The following DSCAM variants were observed in gnomAD, a reference collection of about 807,000 sequenced individuals.
DSCAM encodes the protein DS cell adhesion molecule, also known as cell adhesion molecule DSCAM.
DSCAM carries 47 observed loss-of-function variants against 217.7 expected under a neutral mutation model. The ratio of observed to expected loss-of-function variants is 0.22; its 90% CI spans 0.17 to 0.28. DSCAM has a LOEUF of 0.28. Ranked by LOEUF, DSCAM falls within the 10% of genes least tolerant of loss-of-function variation. The pLI, the probability that DSCAM is intolerant of heterozygous loss-of-function variation, is 1.00. For missense variants in DSCAM, 2,080 were observed against 2,618.3 expected, an observed-to-expected ratio of 0.79 and a Z score of 4.49; for synonymous variants, 1,056 against 1,015.3, an observed-to-expected ratio of 1.04 and a Z score of -0.76.
At chr21:40,292,802 G>C (rs926263450) in intron 10 of DSCAM, among the ~76,000 whole-genome samples, 1 of 152,032 alleles carries the variant, frequency 6.6e-6, no homozygotes, top group East Asian at 1.9e-4. Flanking sequence ...GAGTGCAGTG[G>C]CGTGATCTCA....
chr21:40,415,420 T>C (rs780973804), intron 3 of DSCAM, among the ~76,000 whole-genome samples: 46 of 152,236 alleles, frequency 3.0e-4, no homozygotes, highest in African/African-American at 1.1e-3. Context: ...GAGTTATAGA[T>C]GTATTTCAAA....
rs1230227169 is a variant in DSCAM, at chr21:40,266,201, A to G, written c.2356+9896T>C. ...AAAAGTGGGCAAAGGACCTGAATGG[A>G]TATTTCTCAAAAGAAGATATACAAA... is the stretch of plus-strand genomic sequence containing the variant. On this transcript the variant is annotated intron_variant, in intron 11 of 32. Coordinates refer to ENST00000400454, the MANE Select transcript of DSCAM (RefSeq NM_001389.5). Among the ~76,000 whole-genome samples the G allele has an allele frequency of 2.6e-5, 4 of 151,300 alleles. No homozygotes were observed. In the East Asian group the frequency reaches 7.8e-4, roughly 29 times the overall value.
chr21:40,599,121 C>T (rs1421772185), intron 3 of DSCAM, among the ~76,000 whole-genome samples: 1 of 152,066 alleles, frequency 6.6e-6, no homozygotes, highest in Non-Finnish European at 1.5e-5. Context: ...ATATGTGTTT[C>T]ACAAAGATTT....
intron 11 of DSCAM, 150 bp downstream of exon 11, chr21:40,275,947 A>C (rs2073680469): frequency 2.7e-6 from 2 of 739,580 alleles, no homozygotes; most frequent in Non-Finnish European, 4.0e-6. Context: ...TGTTTCCAGA[A>C]CAACAAAACT....
intron 10 of DSCAM, among the ~76,000 whole-genome samples, chr21:40,292,322 T>C (rs2073903263): frequency 6.6e-6 from 1 of 152,072 alleles, no homozygotes; most frequent in South Asian, 2.1e-4. Context: ...AAGCTGAATC[T>C]GTTTTGTTTA....
intron 11 of DSCAM, among the ~76,000 whole-genome samples, chr21:40,209,602 G>A (rs766338360): frequency 2.6e-5 from 4 of 152,096 alleles, no homozygotes; most frequent in Non-Finnish European, 4.4e-5. Context: ...ATGAAATGTG[G>A]CACCTTTCCT....
intron 3 of DSCAM, among the ~76,000 whole-genome samples, chr21:40,512,165 C>T (rs912138405): frequency 1.3e-5 from 2 of 151,896 alleles, no homozygotes; most frequent in Admixed American, 6.6e-5. Flanking sequence ...CTTTCCCTTC[C>T]AATTATGCAT....
intron 27 of DSCAM, among the ~76,000 whole-genome samples, chr21:40,074,360 T>A (rs1305596453): frequency 1.3e-5 from 2 of 152,192 alleles, no homozygotes; most frequent in Non-Finnish European, 2.9e-5. Context: ...CTGCACAGTT[T>A]CATATTTGAA....
At chr21:40,842,754 AC>A (rs2092113411) in intron 1 of DSCAM, among the ~76,000 whole-genome samples, 1 of 152,190 alleles carries the variant, frequency 6.6e-6, no homozygotes, top group Non-Finnish European at 1.5e-5. Flanking sequence ...TAGTTCCCCT[AC>A]CAGAATGCTG....
At chr21:40,338,916 C>A (rs2074457465) in intron 7 of DSCAM, among the ~76,000 whole-genome samples, 1 of 152,156 alleles carries the variant, frequency 6.6e-6, no homozygotes, top group Admixed American at 6.5e-5. Context: ...TAAAAAAGAA[C>A]AAGCTGACTA....
At chr21:40,262,007 T>G (rs1344328572) in intron 11 of DSCAM, among the ~76,000 whole-genome samples, 2 of 151,122 alleles carry the variant, frequency 1.3e-5, no homozygotes, top group African/African-American at 4.9e-5. Flanking sequence ...AACTTGAGTG[T>G]TCTCTCTCTC....
At chr21:40,794,888 G>GAAA (rs5844043) in intron 1 of DSCAM, among the ~76,000 whole-genome samples, 2 of 126,642 alleles carry the variant, frequency 1.6e-5, no homozygotes, top group Non-Finnish European at 1.6e-5. Context: ...TAGTCAAATT[G>GAAA]AAAAAAAAAA....
intron 3 of DSCAM, among the ~76,000 whole-genome samples, chr21:40,671,692 CAAAAAAAA>C (rs71330402): frequency 1.3e-4 from 14 of 108,984 alleles, no homozygotes; most frequent in African/African-American, 5.1e-4. Flanking sequence ...ATTCCTTAAA[CAAAAAAAA>C]AAAAAAAAAA....
At chr21:40,769,045 G>T (rs2091421602) in intron 1 of DSCAM, among the ~76,000 whole-genome samples, 2 of 152,188 alleles carry the variant, frequency 1.3e-5, no homozygotes, top group African/African-American at 4.8e-5. Flanking sequence ...GAGGGCAGCT[G>T]GGGATGTCTG....
intron 25 of DSCAM, among the ~76,000 whole-genome samples, chr21:40,079,331 A>G (rs905708580): frequency 3.9e-5 from 6 of 152,154 alleles, no homozygotes; most frequent in African/African-American, 1.4e-4. Context: ...ACCTGATTCA[A>G]GAGAAGACAG....
At chr21:40,649,210 T>TA (rs961130810) in intron 3 of DSCAM, among the ~76,000 whole-genome samples, 2 of 152,178 alleles carry the variant, frequency 1.3e-5, no homozygotes, top group African/African-American at 4.8e-5. Context: ...AGCTTGAACT[T>TA]AAAAGACCAT....
intron 8 of DSCAM, among the ~76,000 whole-genome samples, chr21:40,332,810 T>C (rs1281102828): frequency 1.3e-5 from 2 of 151,944 alleles, no homozygotes; most frequent in Non-Finnish European, 2.9e-5. Flanking sequence ...ATCTTTGAAA[T>C]AAAAAAAATT....
chr21:40,794,068 T>G (rs1208573864), intron 1 of DSCAM, among the ~76,000 whole-genome samples: 1 of 152,190 alleles, frequency 6.6e-6, no homozygotes, highest in Non-Finnish European at 1.5e-5. Flanking sequence ...CAACCTTCCT[T>G]GGCACTGCCT....
chr21:40,106,265 C>T (rs367453), intron 20 of DSCAM, among the ~76,000 whole-genome samples: 30,210 of 152,122 alleles, frequency 0.2, 3,822 homozygotes, highest in South Asian at 0.42. Flanking sequence ...CCGGGTCTTT[C>T]CCATGACACA....
Sources: gnomAD v4.1 joint callset for allele counts (sites outside exome capture counted in the v4.1 genomes callset) on GRCh38, gnomAD v4.1.1 for gene constraint, MANE v1.5 for transcripts, NCBI Gene and HGNC (gene_info 2026-07-23, HGNC 2026-07-21) for gene names.